Variants in EXOC4 observed in about 807,000 individuals in gnomAD.
EXOC4 encodes the protein SEC8-like 1.
A neutral mutation model predicts 107.2 loss-of-function variants in EXOC4; 71 were observed. That is an observed-to-expected ratio of 0.66 (90% CI 0.55 to 0.81). The LOEUF is 0.81. EXOC4 is among the 30% of genes least tolerant of loss of function. EXOC4 has a pLI of 0.00. For missense variants in EXOC4, 1,108 were observed against 1,189.6 expected (o/e 0.93, Z 1.01); for synonymous variants, 456 against 441.2 (o/e 1.03, Z -0.42).
chr7:134,036,866 T>G (rs1158661953), intron 17 of EXOC4, among the ~76,000 whole-genome samples: 3 of 152,196 alleles, frequency 2.0e-5, no homozygotes, highest in Non-Finnish European at 4.4e-5. Flanking sequence ...TTTTAACCTT[T>G]TAATACTTCG....
intron 7 of EXOC4, among the ~76,000 whole-genome samples, chr7:133,436,585 A>G (rs1468964399): frequency 6.6e-6 from 1 of 152,080 alleles, no homozygotes; most frequent in Non-Finnish European, 1.5e-5. Context: ...CTAGAACCAT[A>G]GACTTCAGTT....
intron 1 of EXOC4, among the ~76,000 whole-genome samples, chr7:133,263,495 C>T (rs1405257627): frequency 6.7e-6 from 1 of 149,426 alleles, no homozygotes; most frequent in Non-Finnish European, 1.5e-5. Context: ...AATTCTTGTG[C>T]CTCAGCCTCC....
At chr7:133,907,375 T>TAA (rs34767758) in intron 12 of EXOC4, among the ~76,000 whole-genome samples, 12 of 151,826 alleles carry the variant, frequency 7.9e-5, no homozygotes, top group East Asian at 1.9e-4. Context: ...TGTCTTTCTT[T>TAA]AAAAAAAATA....
the EXOC4 span, among the ~76,000 whole-genome samples, chr7:134,075,998 T>C: frequency 6.6e-6 from 1 of 152,206 alleles, no homozygotes; most frequent in Non-Finnish European, 1.5e-5. Flanking sequence ...TGTTTGTTAC[T>C]GCAGCCTAAC....
intron 10 of EXOC4, among the ~76,000 whole-genome samples, chr7:133,725,031 A>C (rs1795185236): frequency 6.6e-6 from 1 of 152,224 alleles, no homozygotes; most frequent in Non-Finnish European, 1.5e-5. Flanking sequence ...CTTTGGTTTT[A>C]AAGCGGTCCT....
chr7:133,622,346 A>C (rs1464499372), intron 9 of EXOC4, among the ~76,000 whole-genome samples: 1 of 152,086 alleles, frequency 6.6e-6, no homozygotes, highest in Non-Finnish European at 1.5e-5. Flanking sequence ...ATGACAGGCA[A>C]ACTCTTCACA....
chr7:133,523,268 A>G (rs1800013809), intron 9 of EXOC4, among the ~76,000 whole-genome samples: 1 of 152,160 alleles, frequency 6.6e-6, no homozygotes, highest in Non-Finnish European at 1.5e-5. Context: ...TTTTAAATTC[A>G]GTAAGGATTT....
intron 10 of EXOC4, among the ~76,000 whole-genome samples, chr7:133,634,960 AGC>A (rs1378995821): frequency 1.1e-5 from 1 of 88,054 alleles, no homozygotes; most frequent in African/African-American, 4.2e-5. Context: ...CCTGTCTTTC[AGC>A]TCTCTCTAGA....
At chr7:133,442,677 G>C (rs1333080775) in intron 7 of EXOC4, among the ~76,000 whole-genome samples, 2 of 152,222 alleles carry the variant, frequency 1.3e-5, no homozygotes, top group South Asian at 4.2e-4. Context: ...GAGAAGGGAT[G>C]ATTAATAAAG....
chr7:133,409,704 T>C (rs529056141), intron 7 of EXOC4, among the ~76,000 whole-genome samples: 1 of 152,326 alleles, frequency 6.6e-6, no homozygotes, highest in Admixed American at 6.5e-5. Context: ...CTTGCTTTTC[T>C]ACATATTTTA....
intron 7 of EXOC4, among the ~76,000 whole-genome samples, chr7:133,400,767 C>G (rs577989947): frequency 1.3e-5 from 2 of 152,248 alleles, no homozygotes; most frequent in African/African-American, 4.8e-5. Context: ...CTCTTGTGCC[C>G]TGTTTTGTGT....
At chr7:133,342,270 G>A (rs970790164) in intron 5 of EXOC4, among the ~76,000 whole-genome samples, 3 of 152,130 alleles carry the variant, frequency 2.0e-5, no homozygotes, top group African/African-American at 7.2e-5. Flanking sequence ...GTCTGGAAAA[G>A]ACTGTATCTT....
chr7:133,783,595 G>A (rs1162568242), intron 10 of EXOC4, among the ~76,000 whole-genome samples: 1 of 152,172 alleles, frequency 6.6e-6, no homozygotes, highest in East Asian at 1.9e-4. Context: ...TTACATTTAG[G>A]TAGTGTAAGA....
At chr7:133,892,832 A>T (rs1225409483) in intron 11 of EXOC4, among the ~76,000 whole-genome samples, 1 of 144,236 alleles carries the variant, frequency 6.9e-6, no homozygotes, top group Non-Finnish European at 1.5e-5. Flanking sequence ...TGCTGAGGAG[A>T]GCTTTACTTC....
At chr7:133,937,001 A>G (rs997357515) in intron 13 of EXOC4, among the ~76,000 whole-genome samples, 5 of 152,132 alleles carry the variant, frequency 3.3e-5, no homozygotes, top group African/African-American at 1.2e-4. Context: ...TCCTTTTTAA[A>G]AGGAAAGAGA....
Position 133,404,881 on chromosome 7 carries a change from C to A in EXOC4, c.1182+29879C>A, listed in dbSNP as rs1367760879. 9.2e-4 allele frequency among the ~76,000 whole-genome samples: 42 copies of A among 45,584 alleles called. No homozygotes were observed. In the South Asian group the frequency reaches 0.012, roughly 13 times the overall value. The allele number at this position is 45,584 out of a possible 152,430, so 29.9% of individuals were successfully genotyped here. ...GCCTCCACCCCCTGCGCCCCCCCCC[C>A]CAATACACACACACACACACACGCA... On this transcript the variant is annotated intron_variant, in intron 7 of 17. Transcript: ENST00000253861.
At chr7:134,043,321 G>C (rs1241900169) in intron 17 of EXOC4, among the ~76,000 whole-genome samples, 1 of 152,110 alleles carries the variant, frequency 6.6e-6, no homozygotes, top group Non-Finnish European at 1.5e-5. Context: ...CACCCTGGCT[G>C]CATTTGGTAG....
chr7:133,610,077 A>G (rs1317716389), intron 9 of EXOC4, among the ~76,000 whole-genome samples: 1 of 152,176 alleles, frequency 6.6e-6, no homozygotes, highest in Non-Finnish European at 1.5e-5. Context: ...TTTGTTCTTG[A>G]TAGACATAAC....
At chr7:133,361,931 A>G (rs1796145117) in intron 6 of EXOC4, among the ~76,000 whole-genome samples, 1 of 152,218 alleles carries the variant, frequency 6.6e-6, no homozygotes, top group Non-Finnish European at 1.5e-5. Flanking sequence ...GAAATTTTCA[A>G]CAGTACAATG....
Sources: gnomAD v4.1 joint callset for allele counts (sites outside exome capture counted in the v4.1 genomes callset) on GRCh38, gnomAD v4.1.1 for gene constraint, MANE v1.5 for transcripts, NCBI Gene and HGNC (gene_info 2026-07-23, HGNC 2026-07-21) for gene names.